The following LPP variants were observed in gnomAD, a reference collection of about 807,000 sequenced individuals.
LPP encodes the protein LIM domain containing preferred translocation partner in lipoma, also known as lipoma-preferred partner.
LPP carries 38 observed loss-of-function variants against 60.4 expected under a neutral mutation model. The ratio of observed to expected loss-of-function variants is 0.63; its 90% CI spans 0.49 to 0.83. The LOEUF (loss-of-function observed/expected upper bound fraction) is 0.83. Ranked by LOEUF, LPP falls within the 40% of genes least tolerant of loss-of-function variation. LPP has a pLI of 0.00. For missense variants in LPP, 902 were observed against 783.6 expected, an observed-to-expected ratio of 1.15 and a Z score of -1.80; for synonymous variants, 328 against 290.8, an observed-to-expected ratio of 1.13 and a Z score of -1.30.
At chr3:188,395,883 C>T (rs963079831) in intron 3 of LPP, among the ~76,000 whole-genome samples, 4 of 151,826 alleles carry the variant, frequency 2.6e-5, no homozygotes, top group African/African-American at 9.7e-5. Flanking sequence ...CACTGCACTA[C>T]AGCTTGGGCA....
chr3:188,564,453 TTTTA>T (rs1433812193), intron 6 of LPP, among the ~76,000 whole-genome samples: 1 of 152,156 alleles, frequency 6.6e-6, no homozygotes, highest in Non-Finnish European at 1.5e-5. Flanking sequence ...TATCCTTCTC[TTTTA>T]TTTATTTATT....
chr3:188,573,295 T>C (rs1833911031), intron 6 of LPP, among the ~76,000 whole-genome samples: 1 of 152,146 alleles, frequency 6.6e-6, no homozygotes, highest in Admixed American at 6.5e-5. Flanking sequence ...TTTGAATGCA[T>C]TTTTTAAAAT....
intron 2 of LPP, among the ~76,000 whole-genome samples, chr3:188,233,055 C>T (rs1280711236): frequency 6.6e-6 from 1 of 152,186 alleles, no homozygotes; most frequent in African/African-American, 2.4e-5. Context: ...CCTGTTTACA[C>T]TGTCCCCTTG....
chr3:188,847,868 C>A (rs1303368194), intron 9 of LPP, among the ~76,000 whole-genome samples: 3 of 151,986 alleles, frequency 2.0e-5, no homozygotes, highest in Non-Finnish European at 4.4e-5. Flanking sequence ...TGAGTGATAA[C>A]CATTATGGAG....
chr3:188,280,575 C>T (rs1274155943), intron 2 of LPP, among the ~76,000 whole-genome samples: 1 of 152,020 alleles, frequency 6.6e-6, no homozygotes, highest in Non-Finnish European at 1.5e-5. Flanking sequence ...CCCACCCCGC[C>T]CCCAAACGAA....
Position 188,609,324 on chromosome 3 carries a change from C to T in LPP, c.593C>T (p.Thr198Ile). ...AGPIPVAPIG[T>I]LKPQPQPVPA... ...CCCATCCCTGTGGCTCCAATCGGAA[C>T]ACTCAAACCCCAGCCTCAGCCAGTC... Residue 198 changes from threonine to isoleucine, a missense_variant, in exon 7 of 12, where the codon ACA becomes ATA. By Grantham distance (89) the Thr-to-Ile change is moderately conservative (BLOSUM62 -1). Transcript: ENST00000617246. The surrounding 1 kb of genome is among the most constrained non-coding windows in gnomAD (Gnocchi z 6.9). The T allele has an allele frequency of 1.9e-6, 3 of 1,614,120 alleles. No homozygotes were observed. The highest frequency in any genetic ancestry group is 2.5e-6 in the Non-Finnish European group (3 of 1,180,022).
chr3:188,855,500 T>C (rs556496227), intron 9 of LPP, among the ~76,000 whole-genome samples: 1 of 152,246 alleles, frequency 6.6e-6, no homozygotes, highest in East Asian at 1.9e-4. Context: ...GCTGCTGAAA[T>C]AGTGTGGTGA....
intron 2 of LPP, among the ~76,000 whole-genome samples, chr3:188,258,656 G>A (rs539155664): frequency 4.6e-5 from 7 of 152,276 alleles, no homozygotes; most frequent in African/African-American, 1.7e-4. Context: ...ATTTGAATGG[G>A]CTAGGTTGGG....
At chr3:188,187,743 A>G (rs1261930522) in intron 1 of LPP, among the ~76,000 whole-genome samples, 1 of 151,944 alleles carries the variant, frequency 6.6e-6, no homozygotes, top group Non-Finnish European at 1.5e-5. Context: ...CTGTGTTTTT[A>G]TTATGGTTTC....
At chr3:188,307,221 A>C (rs1357701189) in intron 2 of LPP, among the ~76,000 whole-genome samples, 1 of 152,246 alleles carries the variant, frequency 6.6e-6, no homozygotes, top group Non-Finnish European at 1.5e-5. Flanking sequence ...GAGGTCACAC[A>C]GATGAAATGT....
chr3:188,269,691 C>T (rs1000999208), intron 2 of LPP, among the ~76,000 whole-genome samples: 2 of 144,960 alleles, frequency 1.4e-5, no homozygotes, highest in Non-Finnish European at 3.0e-5. Flanking sequence ...CACTCTGTCT[C>T]CCAGGCTGGA....
Position 188,885,312 on chromosome 3 carries a change from T to C in LPP, c.*10833T>C, listed in dbSNP as rs540676880. 156 of 196,664 alleles carry C rather than the reference T, an allele frequency of 7.9e-4. No individual in the cohort carries two copies. Among genetic ancestry groups the C allele is most frequent in the South Asian group, 4.6e-3 (24 of 5,218 alleles). The allele number at this position is 196,664 out of a possible 1,614,324, so 12.2% of individuals were successfully genotyped here. On this transcript the variant is annotated 3_prime_UTR_variant, in exon 12 of 12. Transcript: ENST00000617246. ...TCCCTCCCTGGAGTGTTATCATCCATCAAGCCAGTATCATCATCCACCTGC... is the reference window on the plus strand; with the variant it reads ...TCCCTCCCTGGAGTGTTATCATCCACCAAGCCAGTATCATCATCCACCTGC...
intron 1 of LPP, among the ~76,000 whole-genome samples, chr3:188,184,698 T>G (rs1289394027): frequency 1.4e-4 from 21 of 151,734 alleles, no homozygotes; most frequent in African/African-American, 4.8e-4. Context: ...TTTTTTTTTT[T>G]TTTTTTTAGG....
intron 9 of LPP, among the ~76,000 whole-genome samples, chr3:188,813,914 A>C (rs1392600111): frequency 6.6e-6 from 1 of 152,128 alleles, no homozygotes; most frequent in Non-Finnish European, 1.5e-5. Flanking sequence ...TACTAAAAAC[A>C]CAAAAAAATT....
At chr3:188,215,259 T>A (rs991187193) in intron 1 of LPP, among the ~76,000 whole-genome samples, 4 of 151,912 alleles carry the variant, frequency 2.6e-5, no homozygotes, top group Non-Finnish European at 5.9e-5. Flanking sequence ...TGAGCCAAGA[T>A]TGCCCCACTG....
chr3:188,361,552 C>T (rs1475775829), intron 3 of LPP, among the ~76,000 whole-genome samples: 2 of 134,508 alleles, frequency 1.5e-5, no homozygotes, highest in African/African-American at 5.6e-5. Flanking sequence ...CTCCCCTCTC[C>T]TCTCCTCTCC....
intron 9 of LPP, among the ~76,000 whole-genome samples, chr3:188,799,526 C>G (rs1052548878): frequency 6.6e-6 from 1 of 152,118 alleles, no homozygotes; most frequent in African/African-American, 2.4e-5. Context: ...CAGAGACTTG[C>G]TATTTTAAGG....
intron 8 of LPP, among the ~76,000 whole-genome samples, chr3:188,754,880 C>A (rs1447120875): frequency 6.6e-6 from 1 of 152,114 alleles, no homozygotes; most frequent in African/African-American, 2.4e-5. Context: ...CAAACTCATT[C>A]TGTTATCTTT....
intron 6 of LPP, among the ~76,000 whole-genome samples, chr3:188,585,389 C>T (rs1002821955): frequency 3.3e-5 from 5 of 152,072 alleles, no homozygotes; most frequent in Non-Finnish European, 7.4e-5. Context: ...TTCCTTCTTC[C>T]TCTCCTTATT....
Sources: allele counts gnomAD v4.1 joint callset (sites outside exome capture counted in the v4.1 genomes callset), GRCh38; gene constraint gnomAD v4.1.1; non-coding constraint Gnocchi (gnomAD v3.1); transcripts MANE v1.5; gene names NCBI Gene and HGNC (gene_info 2026-07-23, HGNC 2026-07-21).